SRGAP3: variants seen among roughly 807,000 people sequenced by gnomAD.
SRGAP3 encodes SLIT-ROBO Rho GTPase activating protein 3.
SRGAP3 carries 39 observed loss-of-function variants against 121.1 expected under a neutral mutation model. The observed-to-expected ratio is 0.32, with a 90% confidence interval of 0.25 to 0.42. The LOEUF (loss-of-function observed/expected upper bound fraction) is 0.42. Ranked by LOEUF, SRGAP3 falls within the 10% of genes least tolerant of loss-of-function variation. The probability of loss-of-function intolerance (pLI) is 1.00; values close to 1 mark genes in which losing one functional copy is unlikely to be tolerated. For missense variants in SRGAP3, 1,213 were observed against 1,470.6 expected (o/e 0.82, Z 2.86); for synonymous variants, 601 against 570.0 (o/e 1.05, Z -0.77).
At chr3:9,098,086 C>A (rs567638352) in intron 3 of SRGAP3, among the ~76,000 whole-genome samples, 2 of 152,214 alleles carry the variant, frequency 1.3e-5, no homozygotes, top group African/African-American at 2.4e-5. Context: ...CCACCTCTAA[C>A]CTTACCCAAA....
chr3:9,015,401 C>T, intron 15 of SRGAP3, among the ~76,000 whole-genome samples, 196 bp downstream of exon 15: 1 of 152,216 alleles, frequency 6.6e-6, no homozygotes, highest in East Asian at 1.9e-4. Context: ...CTTCTCTACC[C>T]AGGGGGTGTG....
rs557339225 is a variant in SRGAP3 at position 9,156,969 on chromosome 3, T to C, written c.68-32052A>G. 3.5e-4 allele frequency among the ~76,000 whole-genome samples: 53 copies of C among 152,328 alleles called. No homozygotes were observed. The South Asian group carries it at 0.011, about 31-fold the overall frequency. ...CCCTACTCTGTGCCCCTAAGCACCC[T>C]AGTTTTCTTTAATATTCCAAGTATA... is the stretch of plus-strand genomic sequence containing the variant. On this transcript the variant is annotated intron_variant, in intron 1 of 21. Transcript: ENST00000383836.
intron 1 of SRGAP3, among the ~76,000 whole-genome samples, chr3:9,205,875 C>T (rs1030541052): frequency 5.9e-5 from 9 of 152,202 alleles, no homozygotes; most frequent in South Asian, 2.1e-4. Flanking sequence ...AAACCAGTCA[C>T]GAAAGGTCAA....
At chr3:9,338,998 C>T (rs1955736943) in intron 1 of SRGAP3, among the ~76,000 whole-genome samples, 2 of 152,182 alleles carry the variant, frequency 1.3e-5, no homozygotes, top group East Asian at 1.9e-4. Context: ...TATGTTTGTG[C>T]ACTGTCAATC....
intron 1 of SRGAP3, among the ~76,000 whole-genome samples, chr3:9,190,656 T>G (rs1003028123): frequency 1.3e-5 from 2 of 152,212 alleles, no homozygotes; most frequent in African/African-American, 4.8e-5. Flanking sequence ...TTTGTTTCAT[T>G]AGGTTTTAGT....
At chr3:9,342,450 T>C (rs1212062551) in intron 1 of SRGAP3, among the ~76,000 whole-genome samples, 1 of 152,214 alleles carries the variant, frequency 6.6e-6, no homozygotes, top group Non-Finnish European at 1.5e-5. Context: ...TCTACATACA[T>C]GGCTGCAAAT....
intron 11 of SRGAP3, 138 bp from the exon 12 acceptor site, chr3:9,032,890 G>A: frequency 1.3e-6 from 1 of 762,194 alleles, no homozygotes; most frequent in Non-Finnish European, 2.2e-6. Flanking sequence ...CAAGACATTG[G>A]TTTCCAATGT....
intron 1 of SRGAP3, among the ~76,000 whole-genome samples, chr3:9,361,926 CATT>C (rs1055818902): frequency 5.9e-5 from 9 of 152,132 alleles, no homozygotes; most frequent in Non-Finnish European, 1.2e-4. Context: ...CTAAGGCCAC[CATT>C]TTTTAAACAT....
intron 3 of SRGAP3, chr3:9,081,395 T>C: frequency 2.4e-6 from 1 of 408,966 alleles, no homozygotes; most frequent in Non-Finnish European, 4.8e-6. Flanking sequence ...CACTGTTGGC[T>C]GTGTGGCCTT....
intron 1 of SRGAP3, among the ~76,000 whole-genome samples, chr3:9,354,599 G>A (rs1299997286): frequency 8.0e-5 from 12 of 150,762 alleles, no homozygotes; most frequent in African/African-American, 2.9e-4. Context: ...GAAGAATGGT[G>A]TGAACCCGGG....
chr3:9,260,427 C>A (rs1954230154), intron 3 of SRGAP3, among the ~76,000 whole-genome samples: 1 of 152,210 alleles, frequency 6.6e-6, no homozygotes, highest in South Asian at 2.1e-4. Context: ...CAGCACAGCA[C>A]TCTAAAGTCG....
At chr3:9,269,523 T>C (rs2648507) in intron 3 of SRGAP3, among the ~76,000 whole-genome samples, 7,496 of 152,310 alleles carry the variant, frequency 0.049, 248 homozygotes, top group Non-Finnish European at 0.072. Flanking sequence ...TCTGTGTTAT[T>C]TGCCTGGACA....
intron 1 of SRGAP3, among the ~76,000 whole-genome samples, chr3:9,245,915 C>T (rs1055007854): frequency 9.9e-5 from 15 of 152,088 alleles, no homozygotes; most frequent in Non-Finnish European, 5.9e-5. Context: ...CACAGAGAGA[C>T]TCTGTCACAA....
At chr3:9,151,523 G>T (rs1215009346) in intron 1 of SRGAP3, among the ~76,000 whole-genome samples, 2 of 152,192 alleles carry the variant, frequency 1.3e-5, no homozygotes, top group Non-Finnish European at 2.9e-5. Context: ...TAACGAGATG[G>T]GTTGGAAAGG....
chr3:9,307,555 CA>C (rs1955179059), intron 3 of SRGAP3, among the ~76,000 whole-genome samples: 1 of 152,168 alleles, frequency 6.6e-6, no homozygotes, highest in Non-Finnish European at 1.5e-5. Context: ...AAGATTAAAA[CA>C]AGCTTTTAAA....
intron 14 of SRGAP3, among the ~76,000 whole-genome samples, chr3:9,024,993 G>C (rs546329754): frequency 2.0e-5 from 3 of 152,266 alleles, no homozygotes; most frequent in Non-Finnish European, 4.4e-5. Context: ...TGGTGCTGGT[G>C]GTAGGTAAAT....
chr3:9,017,644 T>C (rs1186509775), intron 14 of SRGAP3, among the ~76,000 whole-genome samples: 1 of 152,188 alleles, frequency 6.6e-6, no homozygotes, highest in Non-Finnish European at 1.5e-5. Context: ...TTGGGGAGGA[T>C]GAAAAAGTTC....
At chr3:8,989,985 C>T (rs1227874207) in intron 21 of SRGAP3, among the ~76,000 whole-genome samples, 7 of 152,228 alleles carry the variant, frequency 4.6e-5, no homozygotes, top group Non-Finnish European at 7.3e-5. Flanking sequence ...CCCAACCAAA[C>T]AACTATTTCA....
At chr3:9,259,977 C>T (rs1225411689) in intron 3 of SRGAP3, among the ~76,000 whole-genome samples, 1 of 151,684 alleles carries the variant, frequency 6.6e-6, no homozygotes, top group African/African-American at 2.4e-5. Flanking sequence ...CCTGGTTAGA[C>T]AGTGGGTACA....
Sources: gnomAD v4.1 joint callset for allele counts (sites outside exome capture counted in the v4.1 genomes callset) on GRCh38, gnomAD v4.1.1 for gene constraint, MANE v1.5 for transcripts, NCBI Gene and HGNC (gene_info 2026-07-23, HGNC 2026-07-21) for gene names.